LYRM4: variants seen among roughly 807,000 people sequenced by gnomAD.
The protein encoded by LYRM4 is LYR motif-containing protein 4.
A neutral mutation model predicts 11.7 loss-of-function variants in LYRM4; 9 were observed. That is an observed-to-expected ratio of 0.77 (90% CI 0.46 to 1.34). LYRM4 has a LOEUF of 1.34. Ranked by LOEUF, LYRM4 falls within the 40% of genes most tolerant of loss-of-function variation. The probability of loss-of-function intolerance (pLI) is 0.00; values close to 1 mark genes in which losing one functional copy is unlikely to be tolerated. For missense variants in LYRM4, 133 were observed against 112.5 expected (o/e 1.18, Z -0.82); for synonymous variants, 42 against 40.4 (o/e 1.04, Z -0.15).
At chr6:5,226,781 G>A (rs1762919891) in intron 1 of LYRM4, among the ~76,000 whole-genome samples, 1 of 152,186 alleles carries the variant, frequency 6.6e-6, no homozygotes, top group Non-Finnish European at 1.5e-5. Context: ...ATGACAGCAT[G>A]TTAACAATAA....
intron 2 of LYRM4, among the ~76,000 whole-genome samples, chr6:5,158,487 T>G (rs1758552506): frequency 6.6e-6 from 1 of 151,738 alleles, no homozygotes; most frequent in Non-Finnish European, 1.5e-5. Flanking sequence ...TTTTTTTTTT[T>G]TTTTTTAAAG....
chr6:5,259,303 GT>G (rs1241679827), intron 1 of LYRM4, among the ~76,000 whole-genome samples: 2 of 152,176 alleles, frequency 1.3e-5, no homozygotes, highest in Non-Finnish European at 2.9e-5. Flanking sequence ...AACAGACTTG[GT>G]TAAGTACTTG....
chr6:5,201,562 T>C (rs1413619046), intron 2 of LYRM4, among the ~76,000 whole-genome samples: 2 of 152,120 alleles, frequency 1.3e-5, no homozygotes, highest in Non-Finnish European at 2.9e-5. Context: ...GCTTAGCTAA[T>C]CTGTTTGTTG....
the LYRM4 span, among the ~76,000 whole-genome samples, chr6:5,075,332 A>G: frequency 6.6e-6 from 1 of 152,236 alleles, no homozygotes; most frequent in African/African-American, 2.4e-5. Context: ...AATTTGGAGC[A>G]GAGGGACTGG....
At chr6:5,167,140 C>T (rs1012531129) in intron 2 of LYRM4, among the ~76,000 whole-genome samples, 2 of 151,984 alleles carry the variant, frequency 1.3e-5, no homozygotes, top group African/African-American at 4.8e-5. Context: ...GGTGTAGATA[C>T]CTTTTTCCCG....
chr6:5,197,497 C>T (rs113932856), intron 2 of LYRM4, among the ~76,000 whole-genome samples: 2 of 151,966 alleles, frequency 1.3e-5, no homozygotes, highest in African/African-American at 4.8e-5. Flanking sequence ...GATGGTGAAA[C>T]CCCGTCTCTA....
intron 2 of LYRM4, among the ~76,000 whole-genome samples, chr6:5,111,621 C>T (rs565713425): frequency 5.3e-5 from 8 of 152,340 alleles, no homozygotes; most frequent in South Asian, 2.1e-4. Flanking sequence ...GCACTGTCCA[C>T]GGCTCCGGGA....
intron 2 of LYRM4, among the ~76,000 whole-genome samples, chr6:5,169,187 T>C (rs1759272187): frequency 2.0e-5 from 3 of 152,108 alleles, no homozygotes; most frequent in Admixed American, 2.0e-4. Flanking sequence ...CCTCAGCCTC[T>C]AGAGTAGCGG....
the LYRM4 span, chr6:5,085,480 G>C: frequency 3.3e-6 from 5 of 1,530,502 alleles, no homozygotes; most frequent in African/African-American, 6.9e-5. Context: ...AGGGGCGAAC[G>C]GCGTCATGGA....
chr6:5,215,228 C>A (rs983457813), intron 2 of LYRM4, among the ~76,000 whole-genome samples: 7 of 152,168 alleles, frequency 4.6e-5, no homozygotes, highest in African/African-American at 1.7e-4. Flanking sequence ...AGAGTAAGTG[C>A]CAAAGAACAA....
chr6:5,132,846 T>G (rs1393712458), intron 2 of LYRM4: 2 of 152,192 alleles, frequency 1.3e-5, no homozygotes, highest in Non-Finnish European at 2.9e-5. Flanking sequence ...TTTAACCTAT[T>G]TGCAACTCTG....
intron 2 of LYRM4, among the ~76,000 whole-genome samples, chr6:5,207,372 C>T (rs1319488687): frequency 1.3e-5 from 2 of 152,138 alleles, no homozygotes; most frequent in Non-Finnish European, 2.9e-5. Flanking sequence ...GAGTGCACGC[C>T]CTCATATACA....
intron 1 of LYRM4, among the ~76,000 whole-genome samples, chr6:5,235,969 C>G (rs13204093): frequency 0.049 from 7,463 of 152,216 alleles, 601 homozygotes; most frequent in African/African-American, 0.16. Context: ...ATGCTTAATG[C>G]CACTTTTTTG....
intron 2 of LYRM4, among the ~76,000 whole-genome samples, chr6:5,132,031 A>C (rs1763978752): frequency 6.6e-6 from 1 of 152,188 alleles, no homozygotes; most frequent in Non-Finnish European, 1.5e-5. Flanking sequence ...GTTTAACCCG[A>C]AGCAAGTTTT....
chr6:5,192,986 T>C (rs186627273), intron 2 of LYRM4, among the ~76,000 whole-genome samples: 30 of 152,314 alleles, frequency 2.0e-4, no homozygotes, highest in Admixed American at 9.8e-4. Context: ...ATCACGCCAC[T>C]GTACTCCAGC....
intron 2 of LYRM4, among the ~76,000 whole-genome samples, chr6:5,159,284 T>C (rs2127651639): frequency 6.6e-6 from 1 of 152,258 alleles, no homozygotes; most frequent in Middle Eastern, 3.4e-3. Context: ...AGGGCCAGAT[T>C]ATGCAATGCT....
chr6:5,234,623 T>C (rs1003451992), intron 1 of LYRM4, among the ~76,000 whole-genome samples: 26 of 151,942 alleles, frequency 1.7e-4, no homozygotes, highest in African/African-American at 6.3e-4. Context: ...GGCAGGCTAA[T>C]AATAAATATA....
intron 2 of LYRM4, among the ~76,000 whole-genome samples, chr6:5,214,938 C>T (rs566923781): frequency 6.6e-6 from 1 of 151,676 alleles, no homozygotes; most frequent in East Asian, 2.0e-4. Flanking sequence ...AGTGGCCAGG[C>T]TGCCCTGGGG....
At chr6:5,066,435 C>T in the LYRM4 span, 8 of 753,204 alleles carry the variant, frequency 1.1e-5, no homozygotes, top group East Asian at 4.9e-5. Flanking sequence ...GCCTGCTGTC[C>T]AAGGAACTGC....
Sources: allele counts gnomAD v4.1 joint callset (sites outside exome capture counted in the v4.1 genomes callset), GRCh38; gene constraint gnomAD v4.1.1; transcripts MANE v1.5; gene names NCBI Gene and HGNC (gene_info 2026-07-23, HGNC 2026-07-21).